The following ASIC2 variants were observed in gnomAD, a reference collection of about 807,000 sequenced individuals.
ASIC2 encodes the protein acid sensing ion channel subunit 2, also known as acid-sensing ion channel 2.
A neutral mutation model predicts 57.3 loss-of-function variants in ASIC2; 25 were observed. That is an observed-to-expected ratio of 0.44 (90% confidence interval 0.32 to 0.61). The LOEUF (loss-of-function observed/expected upper bound fraction) is 0.61, where lower values mean the gene tolerates loss of function less well. Ranked by LOEUF, ASIC2 falls within the 20% of genes least tolerant of loss-of-function variation. The pLI, the probability that ASIC2 is intolerant of heterozygous loss-of-function variation, is 0.06. For synonymous variants in ASIC2, 319 were observed against 307.5 expected, an observed-to-expected ratio of 1.04 and a Z score of -0.39; for missense variants, 641 against 738.1, an observed-to-expected ratio of 0.87 and a Z score of 1.52.
At chr17:33,227,122 GC>G (rs1366975223) in intron 1 of ASIC2, among the ~76,000 whole-genome samples, 2 of 152,188 alleles carry the variant, frequency 1.3e-5, no homozygotes, top group South Asian at 4.1e-4. Flanking sequence ...ATGGCCAGTG[GC>G]TGCTTGGCAG....
At chr17:33,124,303 G>C (rs1394871051) in intron 1 of ASIC2, among the ~76,000 whole-genome samples, 1 of 152,208 alleles carries the variant, frequency 6.6e-6, no homozygotes, top group Non-Finnish European at 1.5e-5. Flanking sequence ...CAAATGCAGA[G>C]AGTTTTCTAT....
chr17:34,048,784 A>T (rs921623606), intron 1 of ASIC2, among the ~76,000 whole-genome samples: 1 of 152,224 alleles, frequency 6.6e-6, no homozygotes, highest in African/African-American at 2.4e-5. Flanking sequence ...CAGATAAGAG[A>T]TGGTATGTTG....
chr17:33,621,937 AC>A (rs1427777656), intron 1 of ASIC2, among the ~76,000 whole-genome samples: 22 of 152,178 alleles, frequency 1.4e-4, no homozygotes. Flanking sequence ...GGTTATTGTG[AC>A]TAGTAAATGA....
intron 1 of ASIC2, among the ~76,000 whole-genome samples, chr17:33,144,790 C>A (rs1036527716): frequency 1.3e-5 from 2 of 152,174 alleles, no homozygotes; most frequent in African/African-American, 4.8e-5. Flanking sequence ...ATATGGGTAT[C>A]TATCATGACT....
chr17:33,926,745 A>G (rs1915829585), intron 1 of ASIC2, among the ~76,000 whole-genome samples: 1 of 152,254 alleles, frequency 6.6e-6, no homozygotes, highest in Non-Finnish European at 1.5e-5. Context: ...CGAGCAGCAC[A>G]GTAGCATCAC....
Position 34,156,704 on chromosome 17 carries a change from T to TGA in ASIC2, c.-174_-173dup. 1.5e-6 allele frequency: 1 copy of TGA among 657,694 alleles called. No individual in the cohort carries two copies. The highest frequency in any genetic ancestry group is 2.0e-5 in the South Asian group (1 of 48,924). 40.7% of individuals were successfully genotyped at this position (657,694 alleles called of 1,614,324 possible). A position where few individuals can be genotyped will look rare whatever the true frequency, so the allele number is the denominator to read the frequency against. Reference sequence around the variant, plus strand: ...GAGCCCAGCCGCACGCTGACAGGGGTGAGTGTTTATATAAAACCCATTCAA... The same window carrying TGA: ...GAGCCCAGCCGCACGCTGACAGGGGTGAGAGTGTTTATATAAAACCCATTCAA... On this transcript the variant is annotated 5_prime_UTR_variant, in exon 1 of 10. Coordinates refer to the ASIC2 transcript ENST00000359872. This position sits in a 1 kb window ranked among gnomAD's most constrained non-coding sequence, Gnocchi z 4.4.
chr17:33,580,631 G>A (rs957511225), intron 1 of ASIC2, among the ~76,000 whole-genome samples: 7 of 152,108 alleles, frequency 4.6e-5, no homozygotes, highest in Non-Finnish European at 1.0e-4. Context: ...AAGAATGAGA[G>A]TGAAGACTCA....
chr17:33,030,387 T>C (rs967682582), intron 3 of ASIC2, among the ~76,000 whole-genome samples: 4 of 152,206 alleles, frequency 2.6e-5, no homozygotes, highest in Non-Finnish European at 5.9e-5. Flanking sequence ...TTCTTTTGTG[T>C]TTGGCTTCTT....
chr17:33,058,302 C>T (rs1219099631), intron 3 of ASIC2, among the ~76,000 whole-genome samples: 2 of 152,062 alleles, frequency 1.3e-5, no homozygotes, highest in African/African-American at 2.4e-5. Context: ...TTTGTCAATG[C>T]TCAGAGGTGA....
chr17:33,347,708 A>G (rs1415187867), intron 1 of ASIC2, among the ~76,000 whole-genome samples: 1 of 152,234 alleles, frequency 6.6e-6, no homozygotes, highest in Admixed American at 6.5e-5. Context: ...AGTTGTCATC[A>G]GAGCAGATAC....
At chr17:33,956,740 G>A (rs1904746988) in intron 1 of ASIC2, among the ~76,000 whole-genome samples, 2 of 152,220 alleles carry the variant, frequency 1.3e-5, no homozygotes, top group Non-Finnish European at 2.9e-5. Flanking sequence ...GCAAGCCCAT[G>A]AACAAGTCCA....
chr17:33,915,564 C>T (rs1254453743), intron 1 of ASIC2, among the ~76,000 whole-genome samples: 3 of 152,190 alleles, frequency 2.0e-5, no homozygotes, highest in Non-Finnish European at 2.9e-5. Context: ...TTCTGCTTCT[C>T]AATTTTCTCA....
chr17:33,854,417 A>C (rs1567735385), intron 1 of ASIC2, among the ~76,000 whole-genome samples: 1 of 152,248 alleles, frequency 6.6e-6, no homozygotes, highest in Non-Finnish European at 1.5e-5. Context: ...GTGCATGTTT[A>C]TGCACATGGG....
chr17:33,853,474 A>G (rs1256909206), intron 1 of ASIC2, among the ~76,000 whole-genome samples: 1 of 152,198 alleles, frequency 6.6e-6, no homozygotes, highest in East Asian at 1.9e-4. Context: ...CAAGAAATCT[A>G]TATCCCCATC....
At chr17:33,796,778 G>A (rs1294469377) in intron 1 of ASIC2, among the ~76,000 whole-genome samples, 1 of 152,196 alleles carries the variant, frequency 6.6e-6, no homozygotes, top group Non-Finnish European at 1.5e-5. Flanking sequence ...CTGCCATACA[G>A]AGAAACTTGG....
intron 1 of ASIC2, among the ~76,000 whole-genome samples, chr17:33,195,644 T>C (rs1190743215): frequency 6.6e-6 from 1 of 152,206 alleles, no homozygotes; most frequent in Non-Finnish European, 1.5e-5. Context: ...TATAATCCAA[T>C]AATTAAAACA....
intron 1 of ASIC2, among the ~76,000 whole-genome samples, chr17:33,780,364 T>A (rs1911414208): frequency 6.6e-6 from 1 of 152,082 alleles, no homozygotes; most frequent in Admixed American, 6.6e-5. Flanking sequence ...CTTCTGAACA[T>A]CTTGAACCAC....
intron 1 of ASIC2, among the ~76,000 whole-genome samples, chr17:33,206,939 C>T (rs1351798997): frequency 6.6e-6 from 1 of 152,140 alleles, no homozygotes. Flanking sequence ...CCATAGGATC[C>T]TCCTTCTGGC....
At chr17:33,479,125 G>A (rs999982866) in intron 1 of ASIC2, among the ~76,000 whole-genome samples, 2 of 151,774 alleles carry the variant, frequency 1.3e-5, no homozygotes, top group Non-Finnish European at 2.9e-5. Flanking sequence ...CAGCCTCCTG[G>A]GTAGCTGGAA....
Sources: gnomAD v4.1 joint callset for allele counts (sites outside exome capture counted in the v4.1 genomes callset) on GRCh38, gnomAD v4.1.1 for gene constraint, Gnocchi (gnomAD v3.1) non-coding constraint, MANE v1.5 for transcripts, NCBI Gene and HGNC (gene_info 2026-07-23, HGNC 2026-07-21) for gene names.